Variants in PCDH15 observed in about 807,000 individuals in gnomAD.
PCDH15 encodes protocadherin-15.
In PCDH15, 129 loss-of-function variants were observed where a neutral mutation model predicts 178.5. The observed-to-expected ratio is 0.72, with a 90% CI of 0.63 to 0.84. The LOEUF is 0.84. Among genes scored for constraint, PCDH15 ranks in the 40% least tolerant of loss-of-function variants. The pLI, the probability that PCDH15 is intolerant of heterozygous loss-of-function variation, is 0.00. For missense variants in PCDH15, 2,230 were observed against 2,099.9 expected, an observed-to-expected ratio of 1.06 and a Z score of -1.21; for synonymous variants, 800 against 732.0, an observed-to-expected ratio of 1.09 and a Z score of -1.50.
At chr10:53,810,787 TC>T in intron 36 of PCDH15, 123 bp from the exon 37 acceptor site, 1 of 873,230 alleles carries the variant, frequency 1.1e-6, no homozygotes, top group Non-Finnish European at 1.9e-6. Flanking sequence ...ACAGCACCTA[TC>T]AGGCTCCTTG....
intron 1 of PCDH15, among the ~76,000 whole-genome samples, chr10:55,222,577 A>G (rs1389559152): frequency 6.6e-6 from 1 of 151,542 alleles, no homozygotes; most frequent in Admixed American, 6.6e-5. Context: ...CAGCTGGAGA[A>G]CTACTAATGT....
chr10:54,415,193 G>GT (rs1271482480), intron 3 of PCDH15, among the ~76,000 whole-genome samples: 1 of 151,998 alleles, frequency 6.6e-6, no homozygotes, highest in East Asian at 1.9e-4. Context: ...TAATATGTTT[G>GT]TTTTTTTCCT....
chr10:54,730,291 T>G (rs374035676), intron 1 of PCDH15, among the ~76,000 whole-genome samples: 86 of 151,556 alleles, frequency 5.7e-4, no homozygotes, highest in African/African-American at 1.9e-3. Flanking sequence ...AACAAATTAA[T>G]GCAGAAACAG....
chr10:53,955,924 T>C (rs932054380), intron 23 of PCDH15, among the ~76,000 whole-genome samples: 10 of 152,206 alleles, frequency 6.6e-5, no homozygotes, highest in Admixed American at 5.2e-4. Context: ...GGAAAGTGTG[T>C]TGGCCTCTAA....
At chr10:54,358,495 T>TA (rs1331623756) in intron 5 of PCDH15, among the ~76,000 whole-genome samples, 3 of 152,172 alleles carry the variant, frequency 2.0e-5, no homozygotes, top group African/African-American at 2.4e-5. Flanking sequence ...TGGCAATCAT[T>TA]AAAAGTCAGG....
chr10:53,910,453 G>A (rs2083000774), intron 25 of PCDH15, among the ~76,000 whole-genome samples: 2 of 152,080 alleles, frequency 1.3e-5, no homozygotes, highest in Non-Finnish European at 2.9e-5. Flanking sequence ...CAAACAGAAA[G>A]GAATAGCATC....
chr10:53,847,065 C>T (rs1299067026), intron 28 of PCDH15, among the ~76,000 whole-genome samples: 2 of 152,014 alleles, frequency 1.3e-5, no homozygotes, highest in Non-Finnish European at 2.9e-5. Context: ...GTGGAAATTA[C>T]TTAACTTTTC....
At chr10:55,404,103 G>A (rs545212984) in intron 2 of PCDH15, among the ~76,000 whole-genome samples, 17 of 151,972 alleles carry the variant, frequency 1.1e-4, no homozygotes, top group Non-Finnish European at 1.9e-4. Flanking sequence ...ATGTTTAAAT[G>A]TATAGTTAGA....
chr10:54,144,538 T>C (rs962374328), intron 14 of PCDH15, among the ~76,000 whole-genome samples: 6 of 152,126 alleles, frequency 3.9e-5, no homozygotes, highest in African/African-American at 1.4e-4. Context: ...TTACACATTG[T>C]TACATTTTTT....
chr10:54,725,071 A>C (rs185423513), intron 1 of PCDH15, among the ~76,000 whole-genome samples: 1 of 151,630 alleles, frequency 6.6e-6, no homozygotes, highest in African/African-American at 2.4e-5. Context: ...ACAGAAATGG[A>C]TTTTATGAAT....
At chr10:53,868,209 TTGTTA>T (rs2079586324) in intron 26 of PCDH15, among the ~76,000 whole-genome samples, 1 of 152,038 alleles carries the variant, frequency 6.6e-6, no homozygotes, top group Non-Finnish European at 1.5e-5. Context: ...ACATTTTCAT[TTGTTA>T]TAACAATGAT....
intron 3 of PCDH15, among the ~76,000 whole-genome samples, chr10:54,388,056 T>C (rs1273559294): frequency 6.6e-6 from 1 of 152,182 alleles, no homozygotes; most frequent in East Asian, 1.9e-4. Context: ...ATAGTGGTAA[T>C]GGCTGCACAA....
chr10:54,187,263 C>T (rs71490995), intron 11 of PCDH15, among the ~76,000 whole-genome samples: 8,260 of 151,976 alleles, frequency 0.054, 289 homozygotes, highest in Non-Finnish European at 0.081. Context: ...TTATTTTCTT[C>T]CTTTCAACCG....
chr10:54,762,358 T>C (rs1468899195), intron 1 of PCDH15, among the ~76,000 whole-genome samples: 1 of 152,114 alleles, frequency 6.6e-6, no homozygotes, highest in Non-Finnish European at 1.5e-5. Context: ...TGAATATGTT[T>C]AGGAAAACAC....
chr10:54,515,802 C>T (rs930849013), intron 3 of PCDH15, among the ~76,000 whole-genome samples: 1 of 152,192 alleles, frequency 6.6e-6, no homozygotes, highest in Non-Finnish European at 1.5e-5. Context: ...ACCCATCAGG[C>T]AGCAGCATTT....
At chr10:53,846,084 A>C (rs1436124592) in intron 28 of PCDH15, among the ~76,000 whole-genome samples, 2 of 151,488 alleles carry the variant, frequency 1.3e-5, no homozygotes, top group Non-Finnish European at 3.0e-5. Context: ...AATGCCAAAA[A>C]TTTCCCTGAA....
chr10:53,865,227 A>T (rs1175808534), intron 27 of PCDH15, among the ~76,000 whole-genome samples: 1 of 152,234 alleles, frequency 6.6e-6, no homozygotes, highest in Non-Finnish European at 1.5e-5. Context: ...TGCTAAGTGA[A>T]TATGACATAG....
At chr10:54,956,893 A>G (rs550670296) in intron 2 of PCDH15, among the ~76,000 whole-genome samples, 7 of 151,834 alleles carry the variant, frequency 4.6e-5, no homozygotes, top group African/African-American at 1.4e-4. Context: ...ATATCATTGA[A>G]TATGGAATAT....
chr10:55,020,739 A>G (rs562155156), intron 2 of PCDH15, among the ~76,000 whole-genome samples: 1 of 152,298 alleles, frequency 6.6e-6, no homozygotes, highest in African/African-American at 2.4e-5. Context: ...CATGTTTTAC[A>G]GATGAGAAAA....
Sources: gnomAD v4.1 joint callset for allele counts (sites outside exome capture counted in the v4.1 genomes callset) on GRCh38, gnomAD v4.1.1 for gene constraint, MANE v1.5 for transcripts, NCBI Gene and HGNC (gene_info 2026-07-23, HGNC 2026-07-21) for gene names.